The following PLXDC2 variants were observed in gnomAD, a reference collection of about 807,000 sequenced individuals.
PLXDC2 encodes the protein plexin domain containing 2.
PLXDC2 carries 40 observed loss-of-function variants against 68.9 expected under a neutral mutation model. That is an observed-to-expected ratio of 0.58 (90% CI 0.45 to 0.76). The LOEUF is 0.76. Among genes scored for constraint, PLXDC2 ranks in the 30% least tolerant of loss-of-function variants. PLXDC2 has a pLI of 0.00. For missense variants in PLXDC2, 644 were observed against 661.9 expected (o/e 0.97, Z 0.30); for synonymous variants, 243 against 234.2 (o/e 1.04, Z -0.34).
At chr10:20,142,993 A>C (rs1834026411) in intron 4 of PLXDC2, among the ~76,000 whole-genome samples, 1 of 152,046 alleles carries the variant, frequency 6.6e-6, no homozygotes, top group African/African-American at 2.4e-5. Context: ...TACTTATAAT[A>C]CTGTATTAGC....
intron 1 of PLXDC2, among the ~76,000 whole-genome samples, chr10:19,892,578 T>A (rs1181813964): frequency 6.6e-6 from 1 of 152,234 alleles, no homozygotes; most frequent in Admixed American, 6.5e-5. Context: ...TATTGATTGC[T>A]GTAAATTCTT....
intron 7 of PLXDC2, among the ~76,000 whole-genome samples, chr10:20,173,355 C>G (rs955189843): frequency 6.6e-6 from 1 of 152,106 alleles, no homozygotes; most frequent in Non-Finnish European, 1.5e-5. Context: ...GGAGATTTCT[C>G]ATATAGTCTC....
intron 13 of PLXDC2, among the ~76,000 whole-genome samples, chr10:20,249,864 A>T (rs1835650577): frequency 6.6e-6 from 1 of 152,156 alleles, no homozygotes; most frequent in Admixed American, 6.5e-5. Context: ...CAATTATATT[A>T]AAATGTAACC....
intron 1 of PLXDC2, among the ~76,000 whole-genome samples, chr10:19,839,179 T>A: frequency 8.0e-6 from 1 of 124,960 alleles, no homozygotes; most frequent in Non-Finnish European, 1.6e-5. Flanking sequence ...AGAGCGAAAC[T>A]CAGTCTCAAA....
At chr10:20,089,504 T>A (rs1018599867) in intron 4 of PLXDC2, among the ~76,000 whole-genome samples, 5 of 152,100 alleles carry the variant, frequency 3.3e-5, no homozygotes, top group African/African-American at 1.2e-4. Flanking sequence ...GGAAGACAGA[T>A]GAGGAACATT....
intron 4 of PLXDC2, among the ~76,000 whole-genome samples, chr10:20,133,256 T>C (rs1455019163): frequency 6.6e-6 from 1 of 152,204 alleles, no homozygotes; most frequent in African/African-American, 2.4e-5. Flanking sequence ...TATTGGAATA[T>C]AAGAATAGCT....
At position 20,223,344 on chromosome 10, in the gene PLXDC2, G is replaced by A. The variant is rs1197713663; in HGVS notation, c.1312+4242G>A. ...TTTTTTTTTTTTGAGATGGAGTCTC[G>A]CACTGTCCCCCCGGCTGGAGTGCAG... On this transcript the variant is annotated intron_variant, in intron 12 of 13. Coordinates refer to ENST00000377252, the MANE Select transcript of PLXDC2 (RefSeq NM_032812.9). Among the ~76,000 whole-genome samples the A allele has an allele frequency of 4.7e-5, 6 of 127,582 alleles. No homozygotes were observed. The Admixed American group carries it at 4.7e-4, about 10-fold the overall frequency. The allele number at this position is 127,582 out of a possible 152,430, so 83.7% of individuals were successfully genotyped here.
At chr10:20,130,935 T>G (rs139085670) in intron 4 of PLXDC2, among the ~76,000 whole-genome samples, 1 of 152,308 alleles carries the variant, frequency 6.6e-6, no homozygotes, top group Non-Finnish European at 1.5e-5. Flanking sequence ...GACCTGTAGT[T>G]TTCTTTTATT....
chr10:20,032,499 G>C (rs981839556), intron 2 of PLXDC2, among the ~76,000 whole-genome samples: 4 of 152,170 alleles, frequency 2.6e-5, no homozygotes, highest in African/African-American at 9.7e-5. Flanking sequence ...CTACTATGTA[G>C]AGAATAGAGT....
intron 3 of PLXDC2, 133 bp downstream of exon 3, chr10:20,047,148 C>A: frequency 2.4e-6 from 2 of 825,516 alleles, no homozygotes; most frequent in Non-Finnish European, 3.5e-6. Flanking sequence ...AATCGCTTTT[C>A]AAGTGTATTC....
chr10:20,147,934 C>A, intron 6 of PLXDC2, 32 bp downstream of exon 6: 2 of 1,462,992 alleles, frequency 1.4e-6, no homozygotes, highest in Middle Eastern at 1.7e-4. Context: ...TCTTTCCCTT[C>A]CCCTTGTTCT....
rs1421177199 is a variant in PLXDC2 at position 20,162,022 on chromosome 10, G to GA, written c.784-2441dup. On this transcript the variant is annotated intron_variant, in intron 6 of 13. Transcript: ENST00000377252. ...GGACAACAAGAGTGAAACTCTGTCA[G>GA]AAAAAGAAAGAAAGAAAGAAAGAGA... 1.9e-3 allele frequency among the ~76,000 whole-genome samples: 223 copies of GA among 117,068 alleles called. 1 individual carries two copies. The highest frequency in any genetic ancestry group is 7.2e-3 in the African/African-American group (216 of 29,962). The allele number at this position is 117,068 out of a possible 152,430, so 76.8% of individuals were successfully genotyped here.
chr10:19,841,811 T>C (rs1338236639), intron 1 of PLXDC2, among the ~76,000 whole-genome samples: 3 of 152,218 alleles, frequency 2.0e-5, no homozygotes, highest in Non-Finnish European at 2.9e-5. Flanking sequence ...ATATCTAATG[T>C]GCCTGTACAT....
intron 2 of PLXDC2, among the ~76,000 whole-genome samples, chr10:20,015,687 T>C (rs1349603831): frequency 2.0e-5 from 3 of 151,938 alleles, no homozygotes; most frequent in East Asian, 1.9e-4. Flanking sequence ...GTATAATCGA[T>C]TAAAAAAACA....
intron 1 of PLXDC2, among the ~76,000 whole-genome samples, chr10:19,911,300 A>G (rs1356631324): frequency 6.6e-6 from 1 of 152,142 alleles, no homozygotes; most frequent in Admixed American, 6.5e-5. Context: ...GGAAGGGGAT[A>G]AAAATCTAAA....
At chr10:19,967,061 C>G (rs942841121) in intron 1 of PLXDC2, among the ~76,000 whole-genome samples, 2 of 152,200 alleles carry the variant, frequency 1.3e-5, no homozygotes, top group Admixed American at 6.5e-5. Context: ...ATTTTATACT[C>G]AGTTGGAGCA....
intron 3 of PLXDC2, among the ~76,000 whole-genome samples, chr10:20,053,697 A>T (rs551911883): frequency 2.6e-5 from 4 of 152,134 alleles, no homozygotes; most frequent in Non-Finnish European, 4.4e-5. Context: ...AGTTGATGAC[A>T]TTCTGATTCA....
At chr10:20,245,248 A>C in intron 12 of PLXDC2, 97 bp from the exon 13 acceptor site, 1 of 1,326,456 alleles carries the variant, frequency 7.5e-7, no homozygotes, top group Non-Finnish European at 1.0e-6. Context: ...GTAAAGATCC[A>C]GTCGTACTTT....
chr10:19,928,927 G>T (rs919900153), intron 1 of PLXDC2, among the ~76,000 whole-genome samples: 2 of 151,440 alleles, frequency 1.3e-5, no homozygotes, highest in Admixed American at 6.6e-5. Flanking sequence ...GCTAATTTTT[G>T]TGTTTTTAGT....
Sources: gnomAD v4.1 joint callset for allele counts (sites outside exome capture counted in the v4.1 genomes callset) on GRCh38, gnomAD v4.1.1 for gene constraint, MANE v1.5 for transcripts, NCBI Gene and HGNC (gene_info 2026-07-23, HGNC 2026-07-21) for gene names.